The following CA6 variants were observed in gnomAD, a reference collection of about 807,000 sequenced individuals.
CA6 encodes carbonic anhydrase 6, also known as carbonate dehydratase VI.
In CA6, 28 loss-of-function variants were observed where a neutral mutation model predicts 35.9. The ratio of observed to expected loss-of-function variants is 0.78; its 90% CI spans 0.58 to 1.07. The LOEUF is 1.07. CA6 is among the 50% of genes least tolerant of loss of function. The pLI, the probability that CA6 is intolerant of heterozygous loss-of-function variation, is 0.00. For missense variants in CA6, 377 were observed against 382.0 expected, an observed-to-expected ratio of 0.99 and a Z score of 0.11; for synonymous variants, 148 against 152.6, an observed-to-expected ratio of 0.97 and a Z score of 0.22.
chr1:8,965,020 G>A (rs1185110005), intron 5 of CA6, among the ~76,000 whole-genome samples: 1 of 152,146 alleles, frequency 6.6e-6, no homozygotes, highest in Non-Finnish European at 1.5e-5. Flanking sequence ...GAGGCGGGCT[G>A]ATCACCTGAG....
Position 8,959,931 on chromosome 1 carries a change from C to CAAAAAAAAAAAAAAAAA in CA6, c.501+932_501+948dup, listed in dbSNP as rs373250863. Among the ~76,000 whole-genome samples the CAAAAAAAAAAAAAAAAA allele has an allele frequency of 2.6e-3, 196 of 75,150 alleles. 14 individuals carry two copies. The highest frequency in any genetic ancestry group is 0.013 in the African/African-American group (189 of 14,758). 49.3% of individuals were successfully genotyped at this position (75,150 alleles called of 152,430 possible). A position where few individuals can be genotyped will look rare whatever the true frequency, so the allele number is the denominator to read the frequency against. On this transcript the variant is annotated intron_variant, in intron 4 of 7. Transcript: ENST00000377443. ...TGGGCAATAAAGCTAGATTCTATCT[C>CAAAAAAAAAAAAAAAAA]AAAAAAAAAAAAAAAAAAAGCTGGG...
At chr1:8,964,296 G>T (rs1639915918) in intron 5 of CA6, among the ~76,000 whole-genome samples, 1 of 152,086 alleles carries the variant, frequency 6.6e-6, no homozygotes, top group Non-Finnish European at 1.5e-5. Context: ...TCACCAGGCT[G>T]GAGTGCAGTG....
At chr1:8,970,379 A>C (rs1640076914) in intron 6 of CA6, among the ~76,000 whole-genome samples, 1 of 152,218 alleles carries the variant, frequency 6.6e-6, no homozygotes, top group African/African-American at 2.4e-5. Flanking sequence ...GGAAGAATGC[A>C]CGGATAGATT....
intron 7 of CA6, among the ~76,000 whole-genome samples, chr1:8,972,299 C>G (rs992784502): frequency 2.0e-4 from 30 of 152,296 alleles, no homozygotes; most frequent in African/African-American, 6.3e-4. Flanking sequence ...AATCCTCCCC[C>G]CTCAGCCTCC....
At position 8,945,971 on chromosome 1, in the gene CA6, C is replaced by T; in HGVS notation, c.79+6C>T. 3.7e-6 allele frequency: 6 copies of T among 1,601,894 alleles called. No individual in the cohort carries two copies. Among genetic ancestry groups the T allele is most frequent in the South Asian group, 1.1e-5 (1 of 90,858 alleles). Reference sequence around the variant, plus strand: ...GTCTGACTGGACCTACTCAGGTGAGCCCCTAGCTTCTGCATGCTCCCCCAG... The same window carrying T: ...GTCTGACTGGACCTACTCAGGTGAGTCCCTAGCTTCTGCATGCTCCCCCAG... On this transcript the variant is annotated splice_donor_region_variant and intron_variant, in intron 1 of 7. Coordinates refer to ENST00000377443, the MANE Select transcript of CA6 (RefSeq NM_001215.4).
At chr1:8,973,998 A>G (rs945274236) in intron 7 of CA6, among the ~76,000 whole-genome samples, 3 of 151,672 alleles carry the variant, frequency 2.0e-5, no homozygotes, top group East Asian at 1.9e-4. Context: ...TAATTTTTGT[A>G]TTTTTTTGTA....
At chr1:8,959,603 C>G (rs1438602108) in intron 4 of CA6, among the ~76,000 whole-genome samples, 1 of 151,996 alleles carries the variant, frequency 6.6e-6, no homozygotes, top group South Asian at 2.1e-4. Context: ...CATGAGCCAC[C>G]AGGCCCAGTC....
chr1:8,957,373 C>A (rs1481406651), intron 3 of CA6, 88 bp downstream of exon 3: 5 of 1,327,176 alleles, frequency 3.8e-6, no homozygotes, highest in Non-Finnish European at 5.2e-6. Flanking sequence ...CAGAGTCTCG[C>A]TCTGTTGCCC....
At chr1:8,972,963 G>A (rs747474650) in intron 7 of CA6, among the ~76,000 whole-genome samples, 2 of 152,024 alleles carry the variant, frequency 1.3e-5, no homozygotes, top group Admixed American at 6.6e-5. Context: ...AAGTGATGTC[G>A]TCTTTAACAG....
chr1:8,962,638 G>A lies in CA6; in HGVS notation c.553G>A (p.Ala185Thr), dbSNP rs1376751887. The A allele has an allele frequency of 6.2e-7, 1 of 1,613,748 alleles. No individual in the cohort carries two copies. Among genetic ancestry groups the A allele is most frequent in the South Asian group, 1.1e-5 (1 of 91,074 alleles). Residue 185 changes from alanine (A) to threonine (T), a missense_variant, in exon 5 of 8, where the codon GCC becomes ACC. By Grantham distance (58) the Ala-to-Thr change is moderately conservative. Coordinates refer to ENST00000377443, the MANE Select transcript of CA6 (RefSeq NM_001215.4). Reference protein sequence around the residue: ...TYYSNFISHLANIKYPGQRTT... With the variant: ...TYYSNFISHLTNIKYPGQRTT... ...TTACAGCAACTTCATTTCTCATCTGGCCAACATCAAGTACCCAGGTAAGGG... is the reference window on the plus strand; with the variant it reads ...TTACAGCAACTTCATTTCTCATCTGACCAACATCAAGTACCCAGGTAAGGG...
At position 8,955,616 on chromosome 1, in the gene CA6, GCACGCCTCCTTTTAAGGCCCTTC is replaced by G. The variant is rs70985559; in HGVS notation, c.260-1496_260-1474del. Among the ~76,000 whole-genome samples, 1,169 of 150,222 alleles carry G rather than the reference GCACGCCTCCTTTTAAGGCCCTTC, an allele frequency of 7.8e-3. 23 individuals are homozygous for G. Among genetic ancestry groups the G allele is most frequent in the East Asian group, 0.037 (186 of 4,998 alleles). ...GTCTGCTTTCAGCATCACTGACCTT[GCACGCCTCCTTTTAAGGCCCTTC>G]CACGCCTCCTTTTAAGGCCCTTCCG... On this transcript the variant is annotated intron_variant, in intron 2 of 7. Coordinates refer to ENST00000377443, the MANE Select transcript of CA6 (RefSeq NM_001215.4).
rs1639463632 is a variant in CA6 at position 8,949,431 on chromosome 1, A to G, written c.248A>G (p.Asn83Ser). 2.0e-5 allele frequency: 33 copies of G among 1,612,224 alleles called. No individual in the cohort carries two copies. Among genetic ancestry groups the G allele is most frequent in the Non-Finnish European group, 2.6e-5 (31 of 1,179,078 alleles). The change falls in exon 2 of 8, where the codon AAT (asparagine) becomes AGT (serine). Residue 83 changes from asparagine to serine, a missense_variant. Transcript: ENST00000377443. ...TQAGEFPMVN[N>S]GHTVQISLPS... ...GCAGGGGAGTTCCCCATGGTCAACAATGGCCACACAGGTAAGAGGAAGGGG... is the reference window on the plus strand; with the variant it reads ...GCAGGGGAGTTCCCCATGGTCAACAGTGGCCACACAGGTAAGAGGAAGGGG...
intron 5 of CA6, among the ~76,000 whole-genome samples, chr1:8,965,080 CT>C (rs1485117169): frequency 6.6e-6 from 1 of 152,060 alleles, no homozygotes; most frequent in Admixed American, 6.6e-5. Context: ...CCCGTCTCTA[CT>C]AAAAATACAA....
chr1:8,950,275 T>G (rs1260616546), intron 2 of CA6, among the ~76,000 whole-genome samples: 3 of 152,050 alleles, frequency 2.0e-5, no homozygotes, highest in Non-Finnish European at 4.4e-5. Context: ...CGAGCCACCA[T>G]GCCCGGCCTG....
chr1:8,949,583 G>A (rs985742516), intron 2 of CA6, 141 bp downstream of exon 2: 6 of 686,004 alleles, frequency 8.7e-6, no homozygotes, highest in African/African-American at 5.6e-5. Context: ...CATGAGGGTC[G>A]AACATGAGGG....
Position 8,974,646 on chromosome 1 carries a change from A to G in CA6, c.869A>G (p.Gln290Arg), listed in dbSNP as rs200236268. The G allele has an allele frequency of 6.2e-7, 1 of 1,606,560 alleles. No homozygotes were observed. The highest frequency in any genetic ancestry group is 8.5e-7 in the Non-Finnish European group (1 of 1,175,412). ...NQEYTLGSEF[Q>R]FYLHKIEEIL... ...GAATACACTCTAGGCTCTGAATTCC[A>G]GTTTTACCTACATAAGATTGAGGAA... Residue 290 changes from glutamine to arginine, a missense_variant, in exon 8 of 8, where the codon CAG (glutamine) becomes CGG (arginine). By Grantham distance (43) the Gln-to-Arg change is conservative. Coordinates refer to ENST00000377443, the MANE Select transcript of CA6 (RefSeq NM_001215.4).
intron 7 of CA6, 133 bp from the exon 8 acceptor site, chr1:8,974,489 T>A: frequency 6.8e-7 from 1 of 1,473,226 alleles, no homozygotes; most frequent in Non-Finnish European, 9.1e-7. Context: ...ACCGGGCACG[T>A]GGAGAGCATT....
At chr1:8,956,014 G>A (rs1484834582) in intron 2 of CA6, among the ~76,000 whole-genome samples, 1 of 152,198 alleles carries the variant, frequency 6.6e-6, no homozygotes, top group African/African-American at 2.4e-5. Context: ...CTTGAGGTCA[G>A]GAGTTCGAGA....
rs1639895090 is a variant in CA6 at position 8,963,433 on chromosome 1, A to C, written c.571+777A>C. Among the ~76,000 whole-genome samples, 1 of 152,126 alleles carries C rather than the reference A, an allele frequency of 6.6e-6. No individual in the cohort carries two copies. Among genetic ancestry groups the C allele is most frequent in the African/African-American group, 2.4e-5 (1 of 41,424 alleles). On this transcript the variant is annotated intron_variant, in intron 5 of 7. Coordinates refer to ENST00000377443, the MANE Select transcript of CA6 (RefSeq NM_001215.4). The surrounding 1 kb of genome is among the most constrained non-coding windows in gnomAD (Gnocchi z 4.1). ...CACCCCTCCACAAACTCACCTGGCAAATCTCCAGACCAACTCTGGAGTTTT... is the reference window on the plus strand; with the variant it reads ...CACCCCTCCACAAACTCACCTGGCACATCTCCAGACCAACTCTGGAGTTTT...
Sources: allele counts gnomAD v4.1 joint callset (sites outside exome capture counted in the v4.1 genomes callset), GRCh38; gene constraint gnomAD v4.1.1; non-coding constraint Gnocchi (gnomAD v3.1); transcripts MANE v1.5; gene names NCBI Gene and HGNC (gene_info 2026-07-23, HGNC 2026-07-21).